Variants in SFRP4 observed in about 807,000 individuals in gnomAD.
SFRP4 encodes secreted frizzled related protein 4, also known as secreted frizzled-related protein 4.
In SFRP4, 25 loss-of-function variants were observed where a neutral mutation model predicts 36.3. The observed-to-expected ratio is 0.69, with a 90% confidence interval of 0.50 to 0.96. The LOEUF is 0.96. Ranked by LOEUF, SFRP4 falls within the 40% of genes least tolerant of loss-of-function variation. The pLI, the probability that SFRP4 is intolerant of heterozygous loss-of-function variation, is 0.00. For missense variants in SFRP4, 487 were observed against 459.6 expected (o/e 1.06, Z -0.54); for synonymous variants, 182 against 168.8 (o/e 1.08, Z -0.60).
In SFRP4 at chr7:37,916,689, G is replaced by T. The variant is rs1785586717; in HGVS notation, c.-152C>A. The T allele has an allele frequency of 8.1e-7, 1 of 1,232,562 alleles. No homozygotes were observed. The highest frequency in any genetic ancestry group is 1.6e-5 in the South Asian group (1 of 64,412). 76.4% of individuals were successfully genotyped at this position (1,232,562 alleles called of 1,614,324 possible). On this transcript the variant is annotated 5_prime_UTR_variant, in exon 1 of 6. Transcript: ENST00000436072. This position sits in a 1 kb window ranked among gnomAD's most constrained non-coding sequence, Gnocchi z 4.1. ...AAACTCCAGTCGGCAGCAAAGCGGG[G>T]CCGCGGGGTCCGGCCGCGGAGCTCC...
At chr7:37,915,003 T>A (rs1204508939) in intron 1 of SFRP4, among the ~76,000 whole-genome samples, 2 of 152,256 alleles carry the variant, frequency 1.3e-5, no homozygotes, top group Non-Finnish European at 2.9e-5. Flanking sequence ...CACAAATCGA[T>A]GTGAATGTAT....
At chr7:37,910,853 G>A (rs1340509280) in intron 4 of SFRP4, among the ~76,000 whole-genome samples, 3 of 151,794 alleles carry the variant, frequency 2.0e-5, no homozygotes, top group South Asian at 2.1e-4. Flanking sequence ...TTATCTTTAC[G>A]TCTACTATTG....
chr7:37,915,938 A>G (rs569781586), intron 1 of SFRP4, among the ~76,000 whole-genome samples, 155 bp downstream of exon 1: 2 of 152,152 alleles, frequency 1.3e-5, no homozygotes, highest in Non-Finnish European at 2.9e-5. Context: ...GGGAGAAACC[A>G]GACTTTTTCT....
At chr7:37,914,918 T>G (rs1333801927) in intron 1 of SFRP4, among the ~76,000 whole-genome samples, 1 of 152,206 alleles carries the variant, frequency 6.6e-6, no homozygotes, top group Non-Finnish European at 1.5e-5. Flanking sequence ...GGCATGTGAT[T>G]GTTGACTTCT....
At position 37,912,185 on chromosome 7, in the gene SFRP4, G is replaced by A; in HGVS notation, c.725C>T (p.Ser242Phe). ...RTQVPLITNS[S>F]CQCPHILPHQ... Reference sequence around the variant, plus strand: ...GGGCAGGATGTGTGGACACTGGCAAGAAGAATTTGTAATGAGCGGGACTTG... The same window carrying A: ...GGGCAGGATGTGTGGACACTGGCAAAAAGAATTTGTAATGAGCGGGACTTG... The change falls in exon 4 of 6, where the codon TCT (serine) becomes TTT (phenylalanine). Residue 242 changes from serine to phenylalanine, a missense_variant. By Grantham distance (155) the Ser-to-Phe change is radical. Transcript: ENST00000436072. 6.2e-6 allele frequency: 10 copies of A among 1,614,194 alleles called. No homozygotes were observed. The highest frequency in any genetic ancestry group is 2.7e-5 in the African/African-American group (2 of 75,060).
chr7:37,916,258 T>C lies in SFRP4; in HGVS notation c.280A>G (p.Ile94Val). ...ICTLEFLHDP[I>V]KPCKSVCQRA... ...TGGCACACCGACTTGCACGGCTTGA[T>C]AGGGTCGTGCAGGAACTCCAGGGTG... Residue 94 changes from isoleucine (I) to valine (V), a missense_variant, in exon 1 of 6, where the codon ATC (isoleucine) becomes GTC (valine). Coordinates refer to ENST00000436072, the MANE Select transcript of SFRP4 (RefSeq NM_003014.4). This position sits in a 1 kb window ranked among gnomAD's most constrained non-coding sequence, Gnocchi z 4.1. The C allele has an allele frequency of 6.2e-7, 1 of 1,614,122 alleles. No individual in the cohort carries two copies. The highest frequency in any genetic ancestry group is 8.5e-7 in the Non-Finnish European group (1 of 1,180,012).
Position 37,914,472 on chromosome 7 carries a change from C to T in SFRP4, c.446-19G>A. 6.3e-7 allele frequency: 1 copy of T among 1,598,292 alleles called. No individual in the cohort carries two copies. Among genetic ancestry groups the T allele is most frequent in the Non-Finnish European group, 8.6e-7 (1 of 1,165,582 alleles). On this transcript the variant is annotated intron_variant, in intron 1 of 5. Transcript: ENST00000436072. Reference sequence around the variant, plus strand: ...TTAACATCTGAAACACAAACAGGGCCACATGGGCGTGGTTGGTGATTTGGT... The same window carrying T: ...TTAACATCTGAAACACAAACAGGGCTACATGGGCGTGGTTGGTGATTTGGT...
Position 37,914,215 on chromosome 7 carries a change from T to C in SFRP4, c.590A>G (p.Tyr197Cys). ...AATGGCTTTAACAGACGACTTACCA[T>C]AGCTGTAGTTTTTGCTGAGATACGT... ...LATYLSKNYS[Y>C]VIHAKIKAVQ... is the part of the protein sequence containing the mutation. Residue 197 changes from tyrosine to cysteine, a missense_variant and splice_region_variant, in exon 3 of 6, where the codon TAT (tyrosine) becomes TGT (cysteine). By Grantham distance (194) the Tyr-to-Cys change is radical. Transcript: ENST00000436072. The C allele has an allele frequency of 6.2e-7, 1 of 1,613,048 alleles. No individual in the cohort carries two copies. Among genetic ancestry groups the C allele is most frequent in the Non-Finnish European group, 8.5e-7 (1 of 1,178,954 alleles).
rs62446002 is a variant in SFRP4 at position 37,907,347 on chromosome 7, G to A, written c.*132C>T. On this transcript the variant is annotated 3_prime_UTR_variant, in exon 6 of 6. Coordinates refer to ENST00000436072, the MANE Select transcript of SFRP4 (RefSeq NM_003014.4). ...CATAGCCTTAAGAAAAATGCTGCAA[G>A]ATGTGTCTATGAAGAGCACTGCAGT... The A allele has an allele frequency of 0.032, 21,637 of 667,486 alleles. 562 individuals carry two copies. Among genetic ancestry groups the A allele is most frequent in the East Asian group, 0.095 (3,540 of 37,270 alleles). 41.3% of individuals were successfully genotyped at this position (667,486 alleles called of 1,614,324 possible).
chr7:37,907,426 C>A lies in SFRP4; in HGVS notation c.*53G>T. The A allele has an allele frequency of 6.6e-7, 1 of 1,518,828 alleles. No homozygotes were observed. Among genetic ancestry groups the A allele is most frequent in the Non-Finnish European group, 9.0e-7 (1 of 1,109,924 alleles). 94.1% of individuals were successfully genotyped at this position (1,518,828 alleles called of 1,614,324 possible). A position where few individuals can be genotyped will look rare whatever the true frequency, so the allele number is the denominator to read the frequency against. On this transcript the variant is annotated 3_prime_UTR_variant, in exon 6 of 6. Coordinates refer to ENST00000436072, the MANE Select transcript of SFRP4 (RefSeq NM_003014.4). Reference sequence around the variant, plus strand: ...TTACATAGGCTGTCCCAGGCAATGCCCAGCCTCATCCTGTAAGGAAGTCGG... The same window carrying A: ...TTACATAGGCTGTCCCAGGCAATGCACAGCCTCATCCTGTAAGGAAGTCGG...
chr7:37,907,759 A>G (rs538747626), intron 5 of SFRP4, 95 bp from the exon 6 acceptor site: 4 of 845,822 alleles, frequency 4.7e-6, no homozygotes, highest in South Asian at 3.6e-5. Context: ...TCACTGTAAT[A>G]TATTAATGAC....
At chr7:37,911,650 AGT>A (rs34030096) in intron 4 of SFRP4, among the ~76,000 whole-genome samples, 79,721 of 151,662 alleles carry the variant, frequency 0.53, 21,520 homozygotes, top group Non-Finnish European at 0.6. Flanking sequence ...ATCACCTTAA[AGT>A]GTGTGTGTGT....
In SFRP4 at chr7:37,912,148, A is replaced by T; in HGVS notation, c.762T>A (p.Val254=). Residue 254 remains valine, a synonymous_variant, in exon 4 of 6, where the codon GTT becomes GTA. Transcript: ENST00000436072. ...AGCGCCACTCGTAACACATGATGAGAACATCTTGATGGGGCAGGATGTGTG... is the reference window on the plus strand; with the variant it reads ...AGCGCCACTCGTAACACATGATGAGTACATCTTGATGGGGCAGGATGTGTG... ...QCPHILPHQD[V]LIMCYEWRSR... The T allele has an allele frequency of 6.2e-7, 1 of 1,614,126 alleles. No homozygotes were observed. The highest frequency in any genetic ancestry group is 1.3e-5 in the African/African-American group (1 of 75,040).
At position 37,909,637 on chromosome 7, in the gene SFRP4, G is replaced by T. The variant is rs1164610145; in HGVS notation, c.835C>A (p.Gln279Lys). Reference sequence around the variant, plus strand: ...CTTACTATGGATCTTTTACTAAGCTGATCTCTCCATTTTTCAACTAAGCAA... The same window carrying T: ...CTTACTATGGATCTTTTACTAAGCTTATCTCTCCATTTTTCAACTAAGCAA... Reference protein sequence around the residue: ...ENCLVEKWRDQLSKRSIQWEE... With the variant: ...ENCLVEKWRDKLSKRSIQWEE... Residue 279 changes from glutamine (Q) to lysine (K), a missense_variant, in exon 5 of 6, where the codon CAG becomes AAG. Transcript: ENST00000436072. The T allele has an allele frequency of 2.5e-6, 4 of 1,578,340 alleles. No individual in the cohort carries two copies. The Admixed American group carries it at 7.1e-5, about 28-fold the overall frequency.
At position 37,907,073 on chromosome 7, in the gene SFRP4, GATATC is replaced by G. The variant is rs1785407004; in HGVS notation, c.*401_*405del. ...AAACATCACTAACATTGCAACAACA[GATATC>G]AAAAGGTAATAAAACATACTGTAAA... On this transcript the variant is annotated 3_prime_UTR_variant, in exon 6 of 6. Transcript: ENST00000436072. The G allele has an allele frequency of 6.5e-6, 1 of 154,470 alleles. No individual in the cohort carries two copies. The highest frequency in any genetic ancestry group is 1.4e-5 in the Non-Finnish European group (1 of 69,672). 9.6% of individuals were successfully genotyped at this position (154,470 alleles called of 1,614,324 possible). A position where few individuals can be genotyped will look rare whatever the true frequency, so the allele number is the denominator to read the frequency against.
chr7:37,912,759 T>A (rs1435752619), intron 3 of SFRP4, among the ~76,000 whole-genome samples: 2 of 152,180 alleles, frequency 1.3e-5, no homozygotes, highest in East Asian at 3.8e-4. Flanking sequence ...GTCATAACAT[T>A]TTTGAACTGG....
chr7:37,909,719 A>C (rs771940642), intron 4 of SFRP4, 39 bp from the exon 5 acceptor site: 1 of 1,155,770 alleles, frequency 8.7e-7, no homozygotes, highest in African/African-American at 1.5e-5. Flanking sequence ...TTTTTATTAC[A>C]AAAGTAAACA....
chr7:37,912,814 G>C (rs1390245832), intron 3 of SFRP4, among the ~76,000 whole-genome samples: 1 of 152,204 alleles, frequency 6.6e-6, no homozygotes, highest in Non-Finnish European at 1.5e-5. Context: ...TAACTTCACA[G>C]ACTGACAAAG....
intron 5 of SFRP4, among the ~76,000 whole-genome samples, chr7:37,909,245 C>T (rs2131986094): frequency 6.6e-6 from 1 of 152,212 alleles, no homozygotes; most frequent in South Asian, 2.1e-4. Context: ...AGTTTTAGTA[C>T]TAGATATTTC....
Sources: allele counts gnomAD v4.1 joint callset (sites outside exome capture counted in the v4.1 genomes callset), GRCh38; gene constraint gnomAD v4.1.1; non-coding constraint Gnocchi (gnomAD v3.1); transcripts MANE v1.5; gene names NCBI Gene and HGNC (gene_info 2026-07-23, HGNC 2026-07-21).